The following ANKRD12 variants were observed in gnomAD, a reference collection of about 807,000 sequenced individuals.
ANKRD12 encodes the protein ankyrin repeat domain-containing protein 12.
ANKRD12 carries 85 observed loss-of-function variants against 183.4 expected under a neutral mutation model. The observed-to-expected ratio is 0.46, with a 90% CI of 0.39 to 0.56. The LOEUF (loss-of-function observed/expected upper bound fraction) is 0.56, where lower values mean the gene tolerates loss of function less well. Ranked by LOEUF, ANKRD12 falls within the 20% of genes least tolerant of loss-of-function variation. The probability of loss-of-function intolerance (pLI) is 0.00; values close to 1 mark genes in which losing one functional copy is unlikely to be tolerated. For missense variants in ANKRD12, 2,405 were observed against 2,357.1 expected (o/e 1.02, Z -0.42); for synonymous variants, 914 against 800.2 (o/e 1.14, Z -2.40).
chr18:9,231,723 G>A (rs971019400), intron 8 of ANKRD12, among the ~76,000 whole-genome samples: 1 of 150,982 alleles, frequency 6.6e-6, no homozygotes, highest in Non-Finnish European at 1.5e-5. Flanking sequence ...TACTCGGGAG[G>A]CTGAGGCAGG....
rs115670208 is a variant in ANKRD12, at chr18:9,145,585, C to T, written c.-52+8620C>T. Among the ~76,000 whole-genome samples the T allele has an allele frequency of 7.3e-3, 1,117 of 152,224 alleles. 20 individuals are homozygous for T. The highest frequency in any genetic ancestry group is 0.026 in the African/African-American group (1,065 of 41,534). ...TTCTGTCTTGTTCTCTATTCCATCA[C>T]GTTGTAAATGGTTAGCATATGTTTA... On this transcript the variant is annotated intron_variant, in intron 1 of 12. Coordinates refer to ENST00000262126, the MANE Select transcript of ANKRD12 (RefSeq NM_015208.5).
At chr18:9,213,139 T>C (rs1247737816) in intron 6 of ANKRD12, among the ~76,000 whole-genome samples, 1 of 151,962 alleles carries the variant, frequency 6.6e-6, no homozygotes, top group Non-Finnish European at 1.5e-5. Flanking sequence ...TGTCTTTCTC[T>C]GTATCATAAA....
chr18:9,210,490 G>A (rs1382565392), intron 5 of ANKRD12, among the ~76,000 whole-genome samples: 1 of 151,820 alleles, frequency 6.6e-6, no homozygotes, highest in Non-Finnish European at 1.5e-5. Flanking sequence ...GGAGGCTGAG[G>A]CAGGCAGATC....
intron 10 of ANKRD12, among the ~76,000 whole-genome samples, chr18:9,264,853 C>G (rs1181841195): frequency 6.6e-6 from 1 of 152,182 alleles, no homozygotes; most frequent in African/African-American, 2.4e-5. Context: ...GTTAAGAATT[C>G]TTGAGGGGTG....
chr18:9,186,875 C>G (rs1488670177), intron 2 of ANKRD12, among the ~76,000 whole-genome samples: 1 of 151,378 alleles, frequency 6.6e-6, no homozygotes, highest in African/African-American at 2.4e-5. Flanking sequence ...CCTCAGCCTC[C>G]CGAGTAGCTG....
chr18:9,254,177 T>C, intron 8 of ANKRD12, 34 bp from the exon 9 acceptor site: 1 of 1,457,706 alleles, frequency 6.9e-7, no homozygotes, highest in Non-Finnish European at 9.0e-7. Flanking sequence ...GTGTTTTGTT[T>C]GACCCACACC....
chr18:9,175,890 T>C (rs1271441587), intron 1 of ANKRD12, among the ~76,000 whole-genome samples: 3 of 152,176 alleles, frequency 2.0e-5, no homozygotes, highest in Non-Finnish European at 4.4e-5. Context: ...TCTGCTAAGA[T>C]AAAATTTTCT....
chr18:9,234,061 A>G (rs2037204969), intron 8 of ANKRD12, among the ~76,000 whole-genome samples: 1 of 98,780 alleles, frequency 1.0e-5, no homozygotes, highest in Admixed American at 1.2e-4. Context: ...GTTACCACAC[A>G]GTCCCAGACA....
chr18:9,211,368 A>AT (rs368955405), intron 5 of ANKRD12, among the ~76,000 whole-genome samples: 1 of 151,992 alleles, frequency 6.6e-6, no homozygotes, highest in Non-Finnish European at 1.5e-5. Flanking sequence ...TTGACAAAAC[A>AT]TTTTTTTTAA....
chr18:9,185,947 T>C (rs182894251), intron 2 of ANKRD12, among the ~76,000 whole-genome samples: 51 of 152,352 alleles, frequency 3.3e-4, no homozygotes, highest in African/African-American at 1.2e-3. Context: ...AACTTTTATT[T>C]CTGCATGTTT....
intron 1 of ANKRD12, among the ~76,000 whole-genome samples, chr18:9,171,142 T>C (rs1461028671): frequency 6.6e-6 from 1 of 152,178 alleles, no homozygotes; most frequent in African/African-American, 2.4e-5. Context: ...GTTAGGCTAC[T>C]CGGGGGTCAA....
intron 8 of ANKRD12, chr18:9,249,724 AC>A (rs1187575423): frequency 6.6e-6 from 1 of 152,214 alleles, no homozygotes; most frequent in African/African-American, 2.4e-5. Flanking sequence ...TTAGTTGTAA[AC>A]ACCATTGCAC....
intron 3 of ANKRD12, 99 bp downstream of exon 3, chr18:9,195,797 G>C (rs1474350828): frequency 3.7e-6 from 4 of 1,084,814 alleles, no homozygotes; most frequent in Non-Finnish European, 5.1e-6. Flanking sequence ...AGTTTATAGA[G>C]AAATATTTGT....
At chr18:9,165,054 G>C (rs2031883050) in intron 1 of ANKRD12, among the ~76,000 whole-genome samples, 1 of 152,128 alleles carries the variant, frequency 6.6e-6, no homozygotes. Flanking sequence ...AGGTCTTTAA[G>C]AACTTGCTTT....
chr18:9,180,960 G>A (rs1415537595), intron 1 of ANKRD12, among the ~76,000 whole-genome samples: 2 of 152,092 alleles, frequency 1.3e-5, no homozygotes, highest in Non-Finnish European at 2.9e-5. Context: ...TTGCTTTTGA[G>A]CCAGTCTTTT....
chr18:9,247,555 A>G (rs570584150), intron 8 of ANKRD12, among the ~76,000 whole-genome samples: 2 of 152,300 alleles, frequency 1.3e-5, no homozygotes, highest in African/African-American at 4.8e-5. Flanking sequence ...ATTTAGGCTA[A>G]TTAATTTTTA....
chr18:9,138,525 AAAAC>A (rs142186514), intron 1 of ANKRD12, among the ~76,000 whole-genome samples: 1,772 of 152,238 alleles, frequency 0.012, 39 homozygotes, highest in African/African-American at 0.038. Flanking sequence ...AAAACATACC[AAAAC>A]AAACAAACAA....
intron 8 of ANKRD12, among the ~76,000 whole-genome samples, chr18:9,239,198 T>C (rs892819512): frequency 5.3e-5 from 8 of 152,234 alleles, no homozygotes; most frequent in Admixed American, 6.5e-5. Flanking sequence ...ATTCTAAATA[T>C]TACATATTTG....
chr18:9,217,049 C>A, intron 7 of ANKRD12, 149 bp downstream of exon 7: 2 of 734,772 alleles, frequency 2.7e-6, no homozygotes, highest in Admixed American at 3.3e-5. Flanking sequence ...TCCCTTTTTT[C>A]TACTAAGTAT....
Sources: allele counts gnomAD v4.1 joint callset (sites outside exome capture counted in the v4.1 genomes callset), GRCh38; gene constraint gnomAD v4.1.1; transcripts MANE v1.5; gene names NCBI Gene and HGNC (gene_info 2026-07-23, HGNC 2026-07-21).